SLU7: variants seen among roughly 807,000 people sequenced by gnomAD.
SLU7 encodes the protein spliceosome associated SLU7.
SLU7 carries 60 observed loss-of-function variants against 87.0 expected under a neutral mutation model. That is an observed-to-expected ratio of 0.69 (90% confidence interval 0.56 to 0.86). SLU7 has a LOEUF of 0.86. Among genes scored for constraint, SLU7 ranks in the 40% least tolerant of loss-of-function variants. The pLI is 0.00. For synonymous variants in SLU7, 197 were observed against 222.0 expected (o/e 0.89, Z 1.00); for missense variants, 507 against 686.6 (o/e 0.74, Z 2.92).
At chr5:160,412,605 T>C (rs1215502295) in intron 5 of SLU7, 86 bp from the exon 6 acceptor site, 5 of 776,832 alleles carry the variant, frequency 6.4e-6, no homozygotes, top group Non-Finnish European at 1.0e-5. Flanking sequence ...CCTAAATTTT[T>C]ATATATTTAA....
intron 12 of SLU7, 49 bp downstream of exon 12, chr5:160,406,419 A>T: frequency 6.8e-7 from 1 of 1,471,418 alleles, no homozygotes; most frequent in Non-Finnish European, 9.2e-7. Flanking sequence ...AAAATGCAAT[A>T]CAGAGCAAAA....
intron 5 of SLU7, among the ~76,000 whole-genome samples, 177 bp from the exon 6 acceptor site, chr5:160,412,696 C>G (rs991780663): frequency 6.6e-5 from 10 of 151,910 alleles, no homozygotes; most frequent in African/African-American, 2.4e-4. Context: ...TAGCCCTAGA[C>G]CTATTACTCT....
chr5:160,409,225 T>C (rs770583145), intron 6 of SLU7, among the ~76,000 whole-genome samples: 2 of 152,154 alleles, frequency 1.3e-5, no homozygotes, highest in African/African-American at 2.4e-5. Context: ...AAGTGAAGTT[T>C]GGGCAATGAA....
chr5:160,415,666 T>C (rs2910191), intron 1 of SLU7, among the ~76,000 whole-genome samples: 119,995 of 152,104 alleles, frequency 0.79, 47,869 homozygotes, highest in Non-Finnish European at 0.84. Context: ...CAAGAATGAA[T>C]ATCTCAAGAG....
chr5:160,409,876 A>G (rs1035329964), intron 6 of SLU7, among the ~76,000 whole-genome samples: 2 of 152,194 alleles, frequency 1.3e-5, no homozygotes. Context: ...GTCTGAAAGG[A>G]GCCACACACA....
At chr5:160,417,780 A>G (rs1765516740) in intron 1 of SLU7, among the ~76,000 whole-genome samples, 1 of 131,300 alleles carries the variant, frequency 7.6e-6, no homozygotes, top group South Asian at 2.8e-4. Context: ...CGACAGAGCT[A>G]GACTACGTCT....
rs780569015 is a variant in SLU7 at position 160,407,643 on chromosome 5, G to A, written c.986-28C>T. 4.4e-6 allele frequency: 7 copies of A among 1,606,016 alleles called. No homozygotes were observed. In the South Asian group the frequency reaches 7.9e-5, roughly 18 times the overall value. The stretch of plus-strand genomic sequence containing the variant: ...AGAGTAATTCAAAACATCTTAGTGA[G>A]TTGGCAGCTGCATTACTGTATGCTT... On this transcript the variant is annotated intron_variant, in intron 10 of 15. Transcript: ENST00000297151. This position sits in a 1 kb window ranked among gnomAD's most constrained non-coding sequence, Gnocchi z 4.2.
At chr5:160,416,097 C>G (rs1436346475) in intron 1 of SLU7, among the ~76,000 whole-genome samples, 1 of 152,100 alleles carries the variant, frequency 6.6e-6, no homozygotes, top group African/African-American at 2.4e-5. Flanking sequence ...TTTCACCACA[C>G]TGGCCAGGCT....
At chr5:160,414,240 T>C in intron 3 of SLU7, 79 bp downstream of exon 3, 1 of 1,098,652 alleles carries the variant, frequency 9.1e-7, no homozygotes, top group Non-Finnish European at 1.3e-6. Context: ...CTACTTTAAA[T>C]AGTATTGCAT....
In SLU7 at chr5:160,415,279, C is replaced by T; in HGVS notation, c.16G>A (p.Val6Ile). The change falls in exon 2 of 16, where the codon GTA becomes ATA. Residue 6 changes from valine (V) to isoleucine (I), a missense_variant. By Grantham distance (29) the Val-to-Ile change is conservative. This residue lies in a region of SLU7 where 33 missense variants were observed against 37.3 expected (regional missense o/e 0.88). Transcript: ENST00000297151. MSATV[V>I]DAVNAAPLSG... Reference sequence around the variant, plus strand: ...AGGGGTGCAGCATTAACTGCATCTACAACTGTGGCTGACATGGTTATCTGG... The same window carrying T: ...AGGGGTGCAGCATTAACTGCATCTATAACTGTGGCTGACATGGTTATCTGG... The T allele has an allele frequency of 6.3e-7, 1 of 1,587,072 alleles. No homozygotes were observed. The highest frequency in any genetic ancestry group is 8.5e-7 in the Non-Finnish European group (1 of 1,169,936).
rs1360619360 is a variant in SLU7 at position 160,402,910 on chromosome 5, G to A, written c.*375C>T. 6.5e-6 allele frequency: 1 copy of A among 153,050 alleles called. No individual in the cohort carries two copies. Among genetic ancestry groups the A allele is most frequent in the Non-Finnish European group, 1.5e-5 (1 of 68,744 alleles). The allele number at this position is 153,050 out of a possible 1,614,324, so 9.5% of individuals were successfully genotyped here. A position where few individuals can be genotyped will look rare whatever the true frequency, so the allele number is the denominator to read the frequency against. On this transcript the variant is annotated 3_prime_UTR_variant, in exon 16 of 16. Transcript: ENST00000297151. Reference sequence around the variant, plus strand: ...GGCGCCTGTAGTCCCAACTACTAGGGAGGCTGAGGCAGGAGAATGGCGTGA... The same window carrying A: ...GGCGCCTGTAGTCCCAACTACTAGGAAGGCTGAGGCAGGAGAATGGCGTGA...
At chr5:160,409,364 G>GGTCA (rs10623019) in intron 6 of SLU7, among the ~76,000 whole-genome samples, 102,934 of 151,348 alleles carry the variant, frequency 0.68, 35,653 homozygotes, top group Admixed American at 0.76. Context: ...ACACTAACGT[G>GGTCA]GTATTTCATC....
chr5:160,413,570 A>T lies in SLU7; in HGVS notation c.456T>A (p.Asp152Glu). ...AKFTGTNIAP[D>E]EHVQPQLMFD... Reference sequence around the variant, plus strand: ...ACATCAGTTGAGGCTGGACATGTTCATCTGGAGCTATATTAGTACCTGTAA... The same window carrying T: ...ACATCAGTTGAGGCTGGACATGTTCTTCTGGAGCTATATTAGTACCTGTAA... The change falls in exon 5 of 16, where the codon GAT (aspartate) becomes GAA (glutamate). Residue 152 changes from aspartate (D) to glutamate (E), a missense_variant. Physicochemically the swap from Asp to Glu is conservative, Grantham distance 45. Around this residue, in one of 6 missense-constraint regions of SLU7, gnomAD observed 155 missense variants for 154.4 expected, o/e 1.00. Coordinates refer to ENST00000297151, the MANE Select transcript of SLU7 (RefSeq NM_006425.5). The T allele has an allele frequency of 6.2e-7, 1 of 1,613,976 alleles. No individual in the cohort carries two copies. The highest frequency in any genetic ancestry group is 1.3e-5 in the African/African-American group (1 of 75,022).
At chr5:160,408,502 C>A (rs1765098468) in intron 7 of SLU7, 42 bp from the exon 8 acceptor site, 2 of 1,570,858 alleles carry the variant, frequency 1.3e-6, no homozygotes, top group Non-Finnish European at 1.7e-6. Context: ...GAAAAGAAAG[C>A]AGCATGTAGT....
chr5:160,406,705 C>T, intron 11 of SLU7, 76 bp from the exon 12 acceptor site: 2 of 1,160,472 alleles, frequency 1.7e-6, no homozygotes, highest in South Asian at 1.6e-5. Flanking sequence ...ACATTTATTT[C>T]TAATCAGAAA....
intron 11 of SLU7, 54 bp from the exon 12 acceptor site, chr5:160,406,683 A>T: frequency 7.7e-7 from 1 of 1,297,054 alleles, no homozygotes; most frequent in Non-Finnish European, 1.1e-6. Flanking sequence ...TTTGCATTTA[A>T]ATTTCCAGAA....
intron 6 of SLU7, among the ~76,000 whole-genome samples, chr5:160,411,930 A>T (rs1426114956): frequency 1.3e-5 from 2 of 152,196 alleles, no homozygotes; most frequent in Non-Finnish European, 2.9e-5. Flanking sequence ...ATTAAATAAA[A>T]ACTAGTGTTC....
rs200531532 is a variant in SLU7 at position 160,406,639 on chromosome 5, C to T, written c.1126-10G>A. The stretch of plus-strand genomic sequence containing the variant: ...GTTCTTGGCCACCATACTAAAAGGA[C>T]ATTGGACATTATTCAATACATTTTA... On this transcript the variant is annotated splice_polypyrimidine_tract_variant and intron_variant, in intron 11 of 15. Transcript: ENST00000297151. 4.4e-6 allele frequency: 7 copies of T among 1,586,752 alleles called. No individual in the cohort carries two copies. In the African/African-American group the frequency reaches 6.8e-5, roughly 15 times the overall value.
chr5:160,417,898 C>CCTA (rs1452626264), intron 1 of SLU7, among the ~76,000 whole-genome samples: 1 of 152,120 alleles, frequency 6.6e-6, no homozygotes, highest in African/African-American at 2.4e-5. Context: ...CTGGCACCTG[C>CCTA]CTACCTTCCA....
Sources: allele counts gnomAD v4.1 joint callset (sites outside exome capture counted in the v4.1 genomes callset), GRCh38; gene constraint gnomAD v4.1.1; regional missense constraint gnomAD v4.1.1; non-coding constraint Gnocchi (gnomAD v3.1); transcripts MANE v1.5; gene names NCBI Gene and HGNC (gene_info 2026-07-23, HGNC 2026-07-21).